Variants in CRB1 observed in about 807,000 individuals in gnomAD.
CRB1 encodes crumbs cell polarity complex component 1, also known as protein crumbs homolog 1.
Under a neutral mutation model 120.0 loss-of-function variants are expected in CRB1, and 83 were observed. The ratio of observed to expected loss-of-function variants is 0.69; its 90% CI spans 0.58 to 0.83. The LOEUF (loss-of-function observed/expected upper bound fraction) is 0.83. Ranked by LOEUF, CRB1 falls within the 40% of genes least tolerant of loss-of-function variation. CRB1 has a pLI of 0.00. For synonymous variants in CRB1, 625 were observed against 612.5 expected, an observed-to-expected ratio of 1.02 and a Z score of -0.30; for missense variants, 1,699 against 1,687.6, an observed-to-expected ratio of 1.01 and a Z score of -0.12.
intron 5 of CRB1, among the ~76,000 whole-genome samples, chr1:197,418,777 C>T (rs377725451): frequency 5.8e-4 from 88 of 152,276 alleles, no homozygotes; most frequent in African/African-American, 2.0e-3. Flanking sequence ...AAGCCAGGTA[C>T]TATGCTATGT....
the CRB1 span, among the ~76,000 whole-genome samples, chr1:197,249,215 T>C: frequency 6.6e-6 from 1 of 152,008 alleles, no homozygotes; most frequent in East Asian, 1.9e-4. Flanking sequence ...ATTTATCTTT[T>C]TTGCTTTAAC....
chr1:197,359,565 A>G (rs1403221400), intron 5 of CRB1, among the ~76,000 whole-genome samples: 2 of 152,210 alleles, frequency 1.3e-5, no homozygotes, highest in African/African-American at 4.8e-5. Context: ...ACATTGTTGT[A>G]CAGGCTTTTG....
At chr1:197,461,766 A>C (rs1666542798) in intron 11 of CRB1, among the ~76,000 whole-genome samples, 1 of 152,250 alleles carries the variant, frequency 6.6e-6, no homozygotes, top group East Asian at 1.9e-4. Context: ...CTGGCAAACA[A>C]TCCAAGTCGC....
chr1:197,436,344 G>A (rs1665162300), intron 9 of CRB1, among the ~76,000 whole-genome samples: 1 of 151,992 alleles, frequency 6.6e-6, no homozygotes, highest in Non-Finnish European at 1.5e-5. Context: ...TTGTCTTCAT[G>A]TTGATTAGGA....
At chr1:197,214,083 A>T in the CRB1 span, among the ~76,000 whole-genome samples, 1 of 152,142 alleles carries the variant, frequency 6.6e-6, no homozygotes, top group Admixed American at 6.5e-5. Flanking sequence ...AAAATCAACG[A>T]AACTAAAAGT....
At chr1:197,238,475 A>G in the CRB1 span, among the ~76,000 whole-genome samples, 26,829 of 152,060 alleles carry the variant, frequency 0.18, 2,547 homozygotes, top group Middle Eastern at 0.25. Context: ...TTTTGAAAGT[A>G]CGATCTTTTT....
At chr1:197,297,639 A>G (rs1353544871) in intron 1 of CRB1, among the ~76,000 whole-genome samples, 1 of 152,128 alleles carries the variant, frequency 6.6e-6, no homozygotes, top group African/African-American at 2.4e-5. Flanking sequence ...GGGGGATATC[A>G]ATCTATACGT....
the CRB1 span, among the ~76,000 whole-genome samples, chr1:197,252,677 A>T: frequency 6.8e-6 from 1 of 146,082 alleles, no homozygotes; most frequent in East Asian, 2.1e-4. Context: ...AAAACTTATT[A>T]TGGGAATTGG....
At chr1:197,366,249 T>C (rs1181986195) in intron 5 of CRB1, among the ~76,000 whole-genome samples, 1 of 152,164 alleles carries the variant, frequency 6.6e-6, no homozygotes, top group Non-Finnish European at 1.5e-5. Flanking sequence ...TTGTTATACG[T>C]CCATTTTATA....
intron 5 of CRB1, among the ~76,000 whole-genome samples, chr1:197,379,418 G>T (rs1277909092): frequency 6.6e-6 from 1 of 151,402 alleles, no homozygotes; most frequent in Non-Finnish European, 1.5e-5. Context: ...TCCTGTCTCA[G>T]CCTCCCGAGT....
At chr1:197,423,965 G>A (rs1260996515) in intron 6 of CRB1, among the ~76,000 whole-genome samples, 2 of 152,074 alleles carry the variant, frequency 1.3e-5, no homozygotes. Flanking sequence ...CTGTTTGTAA[G>A]AACATGCAGC....
chr1:197,422,214 G>A (rs955077122), intron 6 of CRB1, among the ~76,000 whole-genome samples: 1 of 151,680 alleles, frequency 6.6e-6, no homozygotes, highest in African/African-American at 2.4e-5. Context: ...TTCCAAAGAG[G>A]TTTTCATCTT....
intron 11 of CRB1, among the ~76,000 whole-genome samples, chr1:197,468,723 T>C (rs573724020): frequency 6.6e-5 from 10 of 152,318 alleles, no homozygotes; most frequent in African/African-American, 2.4e-4. Flanking sequence ...TGCGCATATG[T>C]TATGCCAGGC....
At chr1:197,475,413 T>C (rs531449776) in intron 11 of CRB1, among the ~76,000 whole-genome samples, 1 of 152,146 alleles carries the variant, frequency 6.6e-6, no homozygotes, top group African/African-American at 2.4e-5. Context: ...CAATCTGACA[T>C]GGGGTGATGC....
chr1:197,274,370 A>C (rs1332361781), intron 1 of CRB1, among the ~76,000 whole-genome samples: 1 of 151,974 alleles, frequency 6.6e-6, no homozygotes, highest in African/African-American at 2.4e-5. Flanking sequence ...TTCTCCCCCA[A>C]CCCCTTCTGT....
chr1:197,398,917 T>G (rs984659630), intron 5 of CRB1, among the ~76,000 whole-genome samples: 4 of 151,554 alleles, frequency 2.6e-5, no homozygotes, highest in African/African-American at 9.7e-5. Context: ...TGTGTGTGTG[T>G]GTGTGTGTGT....
chr1:197,234,259 G>A, the CRB1 span, among the ~76,000 whole-genome samples: 5 of 152,200 alleles, frequency 3.3e-5, no homozygotes, highest in African/African-American at 1.2e-4. Context: ...AAGGGAAAGT[G>A]GTGATGTGCA....
intron 5 of CRB1, 194 bp downstream of exon 5, chr1:197,357,207 T>C (rs1660533716): frequency 1.5e-6 from 1 of 670,484 alleles, no homozygotes; most frequent in East Asian, 2.7e-5. Flanking sequence ...GAGAGAAATA[T>C]TAAAGAGGGA....
At chr1:197,469,465 G>A (rs187587413) in intron 11 of CRB1, among the ~76,000 whole-genome samples, 8 of 152,128 alleles carry the variant, frequency 5.3e-5, no homozygotes, top group African/African-American at 1.2e-4. Flanking sequence ...GAACAGAATT[G>A]TAGGGGAATT....
Sources: gnomAD v4.1 joint callset for allele counts (sites outside exome capture counted in the v4.1 genomes callset) on GRCh38, gnomAD v4.1.1 for gene constraint, MANE v1.5 for transcripts, NCBI Gene and HGNC (gene_info 2026-07-23, HGNC 2026-07-21) for gene names.